Variants in LPAR3 observed in about 807,000 individuals in gnomAD.
LPAR3 encodes LPA receptor 3.
LPAR3 carries 7 observed loss-of-function variants against 17.8 expected under a neutral mutation model. The ratio of observed to expected loss-of-function variants is 0.39; its 90% CI spans 0.22 to 0.74. LPAR3 has a LOEUF of 0.74. Among genes scored for constraint, LPAR3 ranks in the 30% least tolerant of loss-of-function variants. The pLI, the probability that LPAR3 is intolerant of heterozygous loss-of-function variation, is 0.40. For synonymous variants in LPAR3, 179 were observed against 179.9 expected, an observed-to-expected ratio of 0.99 and a Z score of 0.04; for missense variants, 391 against 453.4, an observed-to-expected ratio of 0.86 and a Z score of 1.25.
intron 2 of LPAR3, among the ~76,000 whole-genome samples, chr1:84,821,242 G>C (rs1557589278): frequency 1.3e-5 from 2 of 152,020 alleles, no homozygotes; most frequent in Non-Finnish European, 2.9e-5. Flanking sequence ...AGACGGAGGA[G>C]AGGGGGTGTT....
intron 1 of LPAR3, among the ~76,000 whole-genome samples, chr1:84,868,297 A>G (rs1206636038): frequency 6.6e-6 from 1 of 152,082 alleles, no homozygotes; most frequent in African/African-American, 2.4e-5. Flanking sequence ...TTTAGTAGAG[A>G]CGGGGTTTCA....
intron 2 of LPAR3, among the ~76,000 whole-genome samples, chr1:84,857,361 C>T (rs1432155445): frequency 6.6e-6 from 1 of 152,138 alleles, no homozygotes; most frequent in Non-Finnish European, 1.5e-5. Flanking sequence ...GCCAAAGATA[C>T]TATTATCCCT....
At chr1:84,826,141 T>A (rs570038610) in intron 2 of LPAR3, among the ~76,000 whole-genome samples, 27 of 151,030 alleles carry the variant, frequency 1.8e-4, no homozygotes, top group African/African-American at 6.4e-4. Flanking sequence ...GAATTATGTA[T>A]AATAGCAACA....
intron 1 of LPAR3, among the ~76,000 whole-genome samples, chr1:84,874,287 G>A (rs188611322): frequency 8.5e-4 from 130 of 152,274 alleles, no homozygotes; most frequent in African/African-American, 3.0e-3. Context: ...ACTGCAGCCT[G>A]AGCTCAGCAG....
chr1:84,859,141 A>G (rs1391178736), intron 2 of LPAR3, among the ~76,000 whole-genome samples: 2 of 152,084 alleles, frequency 1.3e-5, no homozygotes, highest in Non-Finnish European at 2.9e-5. Context: ...ACCAAAGAGA[A>G]CAGTGTATTA....
chr1:84,860,493 T>C (rs905793549), intron 2 of LPAR3, among the ~76,000 whole-genome samples: 1 of 152,106 alleles, frequency 6.6e-6, no homozygotes, highest in African/African-American at 2.4e-5. Flanking sequence ...TTAGAATGTG[T>C]CTTCCTCCAG....
At chr1:84,839,310 G>T (rs772669139) in intron 2 of LPAR3, among the ~76,000 whole-genome samples, 7 of 152,128 alleles carry the variant, frequency 4.6e-5, no homozygotes, top group Non-Finnish European at 7.4e-5. Context: ...CAGACTGTAG[G>T]TTCTTAAGGG....
intron 2 of LPAR3, among the ~76,000 whole-genome samples, chr1:84,844,349 G>A (rs978598845): frequency 6.6e-6 from 1 of 152,214 alleles, no homozygotes; most frequent in Non-Finnish European, 1.5e-5. Flanking sequence ...TCATTTAGAT[G>A]TGTGTGAATT....
At chr1:84,838,902 A>G (rs1010250035) in intron 2 of LPAR3, among the ~76,000 whole-genome samples, 2 of 152,134 alleles carry the variant, frequency 1.3e-5, no homozygotes, top group Non-Finnish European at 2.9e-5. Context: ...TGGCCCTGCC[A>G]TCTTTCATTT....
At position 84,813,521 on chromosome 1, in the gene LPAR3, G is replaced by A. The variant is rs765122877; in HGVS notation, c.*325C>T. On this transcript the variant is annotated 3_prime_UTR_variant, in exon 3 of 3. Transcript: ENST00000370611. ...ATTTTGGTCTAAGCCCTTTCATAACGTCCTTTTAAAATACAAAGAGAATGG... is the reference window on the plus strand; with the variant it reads ...ATTTTGGTCTAAGCCCTTTCATAACATCCTTTTAAAATACAAAGAGAATGG... 10 of 245,686 alleles carry A rather than the reference G, an allele frequency of 4.1e-5. No homozygotes were observed. The highest frequency in any genetic ancestry group is 8.0e-5 in the Non-Finnish European group (10 of 125,776). 15.2% of individuals were successfully genotyped at this position (245,686 alleles called of 1,614,324 possible).
At chr1:84,849,058 C>A (rs186837894) in intron 2 of LPAR3, among the ~76,000 whole-genome samples, 1 of 152,210 alleles carries the variant, frequency 6.6e-6, no homozygotes, top group Admixed American at 6.5e-5. Flanking sequence ...CACTGACCTT[C>A]CAAGGGAAGA....
At chr1:84,842,328 A>C (rs1040629349) in intron 2 of LPAR3, among the ~76,000 whole-genome samples, 1 of 152,250 alleles carries the variant, frequency 6.6e-6, no homozygotes, top group Non-Finnish European at 1.5e-5. Context: ...TATCGGATCA[A>C]TCATTTGCTA....
Position 84,813,967 on chromosome 1 carries a change from T to A in LPAR3, c.941A>T (p.Glu314Val). 1 of 1,614,166 alleles carries A rather than the reference T, an allele frequency of 6.2e-7. No individual in the cohort carries two copies. The highest frequency in any genetic ancestry group is 8.5e-7 in the Non-Finnish European group (1 of 1,180,020). Residue 314 changes from glutamate to valine, a missense_variant, in exon 3 of 3, where the codon GAG becomes GTG. Transcript: ENST00000370611. ...GCGAGAGGGACGCCTCTCTGGGTTC[T>A]CCTGAGAGAAGCAGCAGATCATCTT... is the stretch of plus-strand genomic sequence containing the variant. Reference protein sequence around the residue: ...MKKMICCFSQENPERRPSRIP... With the variant: ...MKKMICCFSQVNPERRPSRIP...
intron 2 of LPAR3, among the ~76,000 whole-genome samples, chr1:84,817,138 GT>G (rs1247907491): frequency 6.6e-6 from 1 of 151,970 alleles, no homozygotes; most frequent in Non-Finnish European, 1.5e-5. Flanking sequence ...AACCCTGCTG[GT>G]TCCCAGCAGT....
At chr1:84,821,275 A>G (rs1280923192) in intron 2 of LPAR3, among the ~76,000 whole-genome samples, 2 of 152,094 alleles carry the variant, frequency 1.3e-5, no homozygotes, top group Non-Finnish European at 2.9e-5. Flanking sequence ...ATGTAGCAGA[A>G]TGGGCTCTCA....
intron 1 of LPAR3, among the ~76,000 whole-genome samples, chr1:84,890,970 G>C (rs1394465796): frequency 4.6e-5 from 7 of 151,554 alleles, no homozygotes; most frequent in Non-Finnish European, 4.4e-5. Flanking sequence ...CTGTGCACGT[G>C]TGTTTCTGAA....
At chr1:84,867,732 A>G (rs1484259164) in intron 1 of LPAR3, among the ~76,000 whole-genome samples, 2 of 152,200 alleles carry the variant, frequency 1.3e-5, no homozygotes, top group Non-Finnish European at 2.9e-5. Context: ...TCATAATGAC[A>G]AAATAAAAAT....
chr1:84,838,887 C>T (rs1054548287), intron 2 of LPAR3, among the ~76,000 whole-genome samples: 3 of 152,146 alleles, frequency 2.0e-5, no homozygotes, highest in East Asian at 1.9e-4. Context: ...TGCAGTGCCC[C>T]GGACTGGCCC....
chr1:84,876,042 C>T (rs143751285), intron 1 of LPAR3, among the ~76,000 whole-genome samples: 137 of 152,296 alleles, frequency 9.0e-4, no homozygotes, highest in Middle Eastern at 3.4e-3. Context: ...TAGCGGGAAA[C>T]AGTTATTCTA....
Sources: allele counts gnomAD v4.1 joint callset (sites outside exome capture counted in the v4.1 genomes callset), GRCh38; gene constraint gnomAD v4.1.1; transcripts MANE v1.5; gene names NCBI Gene and HGNC (gene_info 2026-07-23, HGNC 2026-07-21).